Variants in ITSN2 observed in about 807,000 individuals in gnomAD.
The protein encoded by ITSN2 is intersectin 2, also known as intersectin-2.
In ITSN2, 156 loss-of-function variants were observed where a neutral mutation model predicts 243.7. That is an observed-to-expected ratio of 0.64 (90% confidence interval 0.56 to 0.73). The LOEUF is 0.73. ITSN2 is among the 30% of genes least tolerant of loss of function. ITSN2 has a pLI of 0.00. For missense variants in ITSN2, 1,801 were observed against 1,996.1 expected (o/e 0.90, Z 1.86); for synonymous variants, 703 against 699.9 (o/e 1.00, Z -0.07).
chr2:24,269,968 G>A (rs1018679380), intron 20 of ITSN2, among the ~76,000 whole-genome samples: 1 of 152,164 alleles, frequency 6.6e-6, no homozygotes, highest in African/African-American at 2.4e-5. Flanking sequence ...TGTGTTTAGG[G>A]TTTATCTTGG....
intron 8 of ITSN2, among the ~76,000 whole-genome samples, chr2:24,305,284 GGAGAA>G (rs373523263): frequency 5.3e-5 from 8 of 152,062 alleles, no homozygotes; most frequent in Non-Finnish European, 8.8e-5. Context: ...TTTAGGGGGA[GGAGAA>G]GAGAAGTAAA....
In ITSN2 at chr2:24,211,030, C is replaced by G. The variant is rs1164167754; in HGVS notation, c.4090-83G>C. ...GACCTTCGCAGGACCGCTCCTCCAA[C>G]CCCATGTTATGGACTGCTTCCATGC... On this transcript the variant is annotated intron_variant, in intron 33 of 39. Transcript: ENST00000355123. This position sits in a 1 kb window ranked among gnomAD's most constrained non-coding sequence, Gnocchi z 4.1. 1 of 1,357,388 alleles carries G rather than the reference C, an allele frequency of 7.4e-7. No homozygotes were observed. Among genetic ancestry groups the G allele is most frequent in the Non-Finnish European group, 1.0e-6 (1 of 966,090 alleles). 84.1% of individuals were successfully genotyped at this position (1,357,388 alleles called of 1,614,324 possible). A position where few individuals can be genotyped will look rare whatever the true frequency, so the allele number is the denominator to read the frequency against.
intron 2 of ITSN2, among the ~76,000 whole-genome samples, chr2:24,320,101 G>A (rs188757846): frequency 1.7e-3 from 256 of 152,260 alleles, no homozygotes; most frequent in Admixed American, 2.8e-3. Flanking sequence ...AGGAGAGGCC[G>A]GACATGGTGG....
intron 20 of ITSN2, among the ~76,000 whole-genome samples, chr2:24,269,493 A>G (rs1184078949): frequency 6.6e-6 from 1 of 152,174 alleles, no homozygotes; most frequent in Non-Finnish European, 1.5e-5. Flanking sequence ...CAGAGTACAC[A>G]AGCACCCAAG....
intron 17 of ITSN2, among the ~76,000 whole-genome samples, chr2:24,276,191 T>A (rs776541792): frequency 1.3e-5 from 2 of 152,216 alleles, no homozygotes; most frequent in Non-Finnish European, 2.9e-5. Flanking sequence ...TGTTATAACA[T>A]CTGAAGAGAA....
At chr2:24,255,213 A>C (rs1313575145) in intron 23 of ITSN2, among the ~76,000 whole-genome samples, 1 of 152,214 alleles carries the variant, frequency 6.6e-6, no homozygotes, top group Non-Finnish European at 1.5e-5. Context: ...CTTCTCTGTA[A>C]ATGTTATGGA....
intron 13 of ITSN2, among the ~76,000 whole-genome samples, chr2:24,298,120 G>T (rs1681217596): frequency 6.6e-6 from 1 of 151,544 alleles, no homozygotes; most frequent in African/African-American, 2.4e-5. Flanking sequence ...AAGTAGCTAG[G>T]ATTACAGGCA....
intron 13 of ITSN2, among the ~76,000 whole-genome samples, chr2:24,297,420 T>C (rs1233529005): frequency 6.6e-6 from 1 of 152,220 alleles, no homozygotes; most frequent in Admixed American, 6.5e-5. Flanking sequence ...CTTGACCCTC[T>C]AACATCTGAT....
chr2:24,308,992 C>A, intron 7 of ITSN2: 1 of 492,808 alleles, frequency 2.0e-6, no homozygotes, highest in Non-Finnish European at 4.0e-6. Flanking sequence ...CATAAGAGTG[C>A]AAACCCTATT....
At chr2:24,335,140 G>T in intron 1 of ITSN2, 1 of 217,010 alleles carries the variant, frequency 4.6e-6, no homozygotes, top group South Asian at 7.4e-5. Flanking sequence ...AGGGCCAAGT[G>T]ACCCAGTTCT....
rs1668519376 is a variant in ITSN2, at chr2:24,203,430, G to A, written c.*196C>T. ...ACTAGGACAAGGCACTGTACTATGG[G>A]GTTTGGTTTCTTTATGGGAAAGGTG... On this transcript the variant is annotated 3_prime_UTR_variant, in exon 40 of 40. Coordinates refer to ENST00000355123, the MANE Select transcript of ITSN2 (RefSeq NM_006277.3). 1.8e-6 allele frequency: 1 copy of A among 565,068 alleles called. No individual in the cohort carries two copies. Among genetic ancestry groups the A allele is most frequent in the African/African-American group, 1.9e-5 (1 of 53,518 alleles). The allele number at this position is 565,068 out of a possible 1,614,324, so 35.0% of individuals were successfully genotyped here. A position where few individuals can be genotyped will look rare whatever the true frequency, so the allele number is the denominator to read the frequency against.
At chr2:24,355,134 AC>A in intron 1 of ITSN2, among the ~76,000 whole-genome samples, 1 of 152,028 alleles carries the variant, frequency 6.6e-6, no homozygotes, top group Non-Finnish European at 1.5e-5. Context: ...CCTCAAGAAT[AC>A]CTATATTCAC....
At chr2:24,207,169 G>A (rs905383602) in intron 37 of ITSN2, among the ~76,000 whole-genome samples, 1 of 152,130 alleles carries the variant, frequency 6.6e-6, no homozygotes. Context: ...CTGGAAAAAA[G>A]AATACTCCAG....
Position 24,258,161 on chromosome 2 carries a change from A to G in ITSN2, c.2683-68T>C, listed in dbSNP as rs1675310301. ...AACTATGATTTCTGTTTCTGTGTAT[A>G]TAACATACTTACTGTTCAAACAGCA... On this transcript the variant is annotated intron_variant, in intron 22 of 39. Coordinates refer to ENST00000355123, the MANE Select transcript of ITSN2 (RefSeq NM_006277.3). The G allele has an allele frequency of 9.6e-6, 11 of 1,149,968 alleles. 1 individual carries two copies. The South Asian group carries it at 1.3e-4, about 14-fold the overall frequency. The allele number at this position is 1,149,968 out of a possible 1,614,324, so 71.2% of individuals were successfully genotyped here.
At chr2:24,347,557 A>G (rs914449695) in intron 1 of ITSN2, among the ~76,000 whole-genome samples, 6 of 152,276 alleles carry the variant, frequency 3.9e-5, no homozygotes, top group Non-Finnish European at 5.9e-5. Context: ...GTGGTGGCAC[A>G]TGCCTGTAAT....
rs369610706 is a variant in ITSN2 at position 24,217,257 on chromosome 2, A to C, written c.3806+650T>G. ...CAGTGAGACTCCATCTCAAAAAAAA[A>C]AAAATACACTTGGGTGTTTCAAGGC... is the stretch of plus-strand genomic sequence containing the variant. On this transcript the variant is annotated intron_variant, in intron 31 of 39. Coordinates refer to ENST00000355123, the MANE Select transcript of ITSN2 (RefSeq NM_006277.3). Among the ~76,000 whole-genome samples, 895 of 152,314 alleles carry C rather than the reference A, an allele frequency of 5.9e-3. 7 individuals are homozygous for C. The highest frequency in any genetic ancestry group is 0.02 in the African/African-American group (836 of 41,560).
At chr2:24,222,672 T>C (rs1040138805) in intron 29 of ITSN2, among the ~76,000 whole-genome samples, 21 of 133,250 alleles carry the variant, frequency 1.6e-4, no homozygotes, top group African/African-American at 5.2e-4. Context: ...TCTTTTCTTT[T>C]TTTTTTTTTT....
At chr2:24,300,321 G>A (rs2151660522) in intron 11 of ITSN2, 150 bp from the exon 12 acceptor site, 2 of 697,720 alleles carry the variant, frequency 2.9e-6, no homozygotes, top group Non-Finnish European at 4.4e-6. Flanking sequence ...AAATCTAAGT[G>A]GAAAAATATC....
chr2:24,324,995 T>G (rs1315519651), intron 2 of ITSN2, among the ~76,000 whole-genome samples: 4 of 151,608 alleles, frequency 2.6e-5, no homozygotes, highest in Non-Finnish European at 5.9e-5. Context: ...ACCAAGAGAA[T>G]AAAAATGTTC....
Sources: gnomAD v4.1 joint callset for allele counts (sites outside exome capture counted in the v4.1 genomes callset) on GRCh38, gnomAD v4.1.1 for gene constraint, Gnocchi (gnomAD v3.1) non-coding constraint, MANE v1.5 for transcripts, NCBI Gene and HGNC (gene_info 2026-07-23, HGNC 2026-07-21) for gene names.